ARID1B: variants seen among roughly 807,000 people sequenced by gnomAD.
The protein encoded by ARID1B is AT-rich interaction domain 1B.
In ARID1B, 30 loss-of-function variants were observed where a neutral mutation model predicts 212.3. The observed-to-expected ratio is 0.14, with a 90% CI of 0.11 to 0.19. The LOEUF is 0.19. Ranked by LOEUF, ARID1B falls within the 10% of genes least tolerant of loss-of-function variation. The pLI is 1.00. For synonymous variants in ARID1B, 1,402 were observed against 1,301.7 expected (o/e 1.08, Z -1.66); for missense variants, 2,891 against 3,204.0 (o/e 0.90, Z 2.36).
chr6:157,029,696 G>A (rs1001933676), intron 4 of ARID1B, among the ~76,000 whole-genome samples: 2 of 152,230 alleles, frequency 1.3e-5, no homozygotes, highest in Admixed American at 6.5e-5. Flanking sequence ...AAGGCCCTCA[G>A]GTGAACAGTG....
intron 4 of ARID1B, among the ~76,000 whole-genome samples, chr6:156,972,237 G>A (rs991796242): frequency 3.3e-5 from 5 of 152,128 alleles, no homozygotes; most frequent in African/African-American, 4.8e-5. Context: ...CACAATAGTC[G>A]TTCTCAAACA....
At chr6:156,813,298 G>A (rs1781743803) in intron 1 of ARID1B, among the ~76,000 whole-genome samples, 1 of 147,912 alleles carries the variant, frequency 6.8e-6, no homozygotes, top group African/African-American at 2.5e-5. Context: ...TATTTTAGTA[G>A]AGATGGGGCT....
At chr6:156,887,992 C>G (rs1349964653) in intron 2 of ARID1B, among the ~76,000 whole-genome samples, 1 of 152,142 alleles carries the variant, frequency 6.6e-6, no homozygotes, top group Non-Finnish European at 1.5e-5. Context: ...CTGGTAAATC[C>G]TATTTTCTGT....
At chr6:156,945,600 C>G (rs1439314277) in intron 4 of ARID1B, among the ~76,000 whole-genome samples, 1 of 152,076 alleles carries the variant, frequency 6.6e-6, no homozygotes, top group Non-Finnish European at 1.5e-5. Context: ...GTGAGTCAGT[C>G]CACACCTGGG....
At chr6:157,171,888 T>C (rs1369838329) in intron 9 of ARID1B, among the ~76,000 whole-genome samples, 11 of 152,264 alleles carry the variant, frequency 7.2e-5, no homozygotes, top group African/African-American at 2.7e-4. Context: ...CGCTAGCACA[T>C]TTAATGCGTA....
intron 16 of ARID1B, 78 bp downstream of exon 16, chr6:157,196,393 G>A (rs1793729533): frequency 2.0e-6 from 3 of 1,509,526 alleles, no homozygotes; most frequent in Admixed American, 2.2e-5. Flanking sequence ...CTGAGCCCTG[G>A]CAGCTGAGCC....
intron 19 of ARID1B, chr6:157,204,889 A>G (rs1794344027): frequency 6.6e-6 from 1 of 152,218 alleles, no homozygotes; most frequent in South Asian, 2.1e-4. Context: ...TAAGACCAGA[A>G]TCTTCTACTT....
chr6:156,876,839 G>T (rs1786600730), intron 2 of ARID1B, among the ~76,000 whole-genome samples: 1 of 152,158 alleles, frequency 6.6e-6, no homozygotes, highest in Non-Finnish European at 1.5e-5. Flanking sequence ...AGTGTTCACA[G>T]ATGGACCTCA....
At chr6:156,947,259 CTT>C (rs1300322541) in intron 4 of ARID1B, among the ~76,000 whole-genome samples, 1 of 152,184 alleles carries the variant, frequency 6.6e-6, no homozygotes, top group East Asian at 1.9e-4. Context: ...CTTTGTATTT[CTT>C]TGTTTGATAT....
chr6:157,090,748 A>G (rs962955802), intron 5 of ARID1B, among the ~76,000 whole-genome samples: 1 of 152,230 alleles, frequency 6.6e-6, no homozygotes, highest in Non-Finnish European at 1.5e-5. Context: ...CTGGCTGGGC[A>G]TGAGGGATGG....
chr6:156,806,876 T>C (rs776841662), intron 1 of ARID1B, among the ~76,000 whole-genome samples: 2 of 152,266 alleles, frequency 1.3e-5, no homozygotes, highest in African/African-American at 2.4e-5. Flanking sequence ...GAAGTGTCCA[T>C]AGACAATCCG....
intron 5 of ARID1B, among the ~76,000 whole-genome samples, chr6:157,086,731 G>A (rs1001830350): frequency 1.3e-5 from 2 of 152,138 alleles, no homozygotes; most frequent in Non-Finnish European, 2.9e-5. Context: ...AGCTCACTTC[G>A]GGCATGTGAT....
intron 8 of ARID1B, among the ~76,000 whole-genome samples, chr6:157,163,654 G>A (rs1485081075): frequency 7.2e-5 from 11 of 152,226 alleles, no homozygotes; most frequent in East Asian, 1.9e-4. Context: ...TGCAGCAGGT[G>A]TCCAGGGAGC....
Position 157,091,921 on chromosome 6 carries a change from C to T in ARID1B, c.2491+7016C>T, listed in dbSNP as rs570648401. ...TTGAAAGTCTGCATAATCATCTTAC[C>T]TAATAATCTTATTTTTAAATATCTA... On this transcript the variant is annotated intron_variant, in intron 5 of 19. Transcript: ENST00000636930. Among the ~76,000 whole-genome samples the T allele has an allele frequency of 4.6e-5, 7 of 152,210 alleles. No individual in the cohort carries two copies. The South Asian group carries it at 1.5e-3, about 32-fold the overall frequency.
At chr6:157,021,929 G>T (rs1332816761) in intron 4 of ARID1B, among the ~76,000 whole-genome samples, 1 of 152,214 alleles carries the variant, frequency 6.6e-6, no homozygotes, top group Non-Finnish European at 1.5e-5. Context: ...CGTCCCGCGT[G>T]GCGCGCCCAG....
intron 4 of ARID1B, among the ~76,000 whole-genome samples, chr6:156,960,527 T>C (rs1583031954): frequency 6.6e-6 from 1 of 152,258 alleles, no homozygotes; most frequent in African/African-American, 2.4e-5. Context: ...TATTTTTCTT[T>C]ATGTATTTAT....
intron 4 of ARID1B, among the ~76,000 whole-genome samples, chr6:157,039,878 T>TCCTTCCTTCC (rs1296164311): frequency 0.07 from 6,370 of 91,232 alleles, 398 homozygotes; most frequent in Non-Finnish European, 0.084. Flanking sequence ...TTCTCTTTCT[T>TCCTTCCTTCC]TTCTCTTCCT....
chr6:157,022,498 G>A (rs752833181), intron 4 of ARID1B: 2 of 152,176 alleles, frequency 1.3e-5, no homozygotes, highest in African/African-American at 2.4e-5. Context: ...TGGGATCACT[G>A]GGTGGTCTCT....
chr6:156,953,326 AG>A (rs1241957698), intron 4 of ARID1B, among the ~76,000 whole-genome samples: 2 of 152,230 alleles, frequency 1.3e-5, no homozygotes, highest in African/African-American at 4.8e-5. Flanking sequence ...CAAACGCCAG[AG>A]TTTCACAAAT....
Sources: allele counts gnomAD v4.1 joint callset (sites outside exome capture counted in the v4.1 genomes callset), GRCh38; gene constraint gnomAD v4.1.1; transcripts MANE v1.5; gene names NCBI Gene and HGNC (gene_info 2026-07-23, HGNC 2026-07-21).